Variants in FRMD4B observed in about 807,000 individuals in gnomAD.
FRMD4B encodes FERM domain containing 4B.
Under a neutral mutation model 141.5 loss-of-function variants are expected in FRMD4B, and 74 were observed. That is an observed-to-expected ratio of 0.52 (90% confidence interval 0.43 to 0.63). The LOEUF is 0.63. Ranked by LOEUF, FRMD4B falls within the 30% of genes least tolerant of loss-of-function variation. FRMD4B has a pLI of 0.00. For missense variants in FRMD4B, 1,366 were observed against 1,253.4 expected (o/e 1.09, Z -1.36); for synonymous variants, 506 against 467.9 (o/e 1.08, Z -1.05).
chr3:69,316,078 A>C (rs1366413854), intron 1 of FRMD4B, among the ~76,000 whole-genome samples: 1 of 152,214 alleles, frequency 6.6e-6, no homozygotes, highest in African/African-American at 2.4e-5. Flanking sequence ...CAATGTGAAA[A>C]ATACTAATTA....
Position 69,540,656 on chromosome 3 carries a change from T to TACAC in FRMD4B, c.-129+1549_-129+1550insGTGT, listed in dbSNP as rs1157143009. Reference sequence around the variant, plus strand: ...AAAAAAATATATATATATATATATATATATACACACACACACACACACACA... The same window carrying TACAC: ...AAAAAAATATATATATATATATATATACACATATACACACACACACACACACACA... On this transcript the variant is annotated intron_variant, in intron 1 of 5. Transcript: ENST00000459638. Among the ~76,000 whole-genome samples, 210 of 75,440 alleles carry TACAC rather than the reference T, an allele frequency of 2.8e-3. 1 individual carries two copies. Among genetic ancestry groups the TACAC allele is most frequent in the African/African-American group, 4.2e-3 (58 of 13,836 alleles). The allele number at this position is 75,440 out of a possible 152,430, so 49.5% of individuals were successfully genotyped here. A position where few individuals can be genotyped will look rare whatever the true frequency, so the allele number is the denominator to read the frequency against.
intron 5 of FRMD4B, 133 bp from the exon 6 acceptor site, chr3:69,250,232 G>A: frequency 1.4e-6 from 1 of 738,448 alleles, no homozygotes. Flanking sequence ...ACCATTGCAG[G>A]GGAAAGTGGG....
chr3:69,174,539 C>T (rs2092622800), intron 22 of FRMD4B, among the ~76,000 whole-genome samples: 1 of 152,070 alleles, frequency 6.6e-6, no homozygotes, highest in Non-Finnish European at 1.5e-5. Flanking sequence ...AAATTTTCTA[C>T]CATGAGCTCA....
At chr3:69,518,410 C>T (rs1700799180) in intron 1 of FRMD4B, among the ~76,000 whole-genome samples, 1 of 152,090 alleles carries the variant, frequency 6.6e-6, no homozygotes, top group Admixed American at 6.5e-5. Context: ...AGATGCTAAG[C>T]TTGTCTGGAA....
At chr3:69,215,284 C>CTTTATTTTTTTTTTTTTTTTTT (rs2093128928) in intron 11 of FRMD4B, among the ~76,000 whole-genome samples, 1 of 45,208 alleles carries the variant, frequency 2.2e-5, no homozygotes, top group African/African-American at 7.2e-5. Flanking sequence ...TTGTGACCCT[C>CTTTATTTTTTTTTTTTTTTTTT]TTTTTTTTTT....
In FRMD4B at chr3:69,279,781, TCTCCTC is replaced by T. The variant is rs144074081; in HGVS notation, c.501+7965_501+7970del. ...CCTCCTTCTCCTCCTCCCCTCCTCC[TCTCCTC>T]CTCCTCCTCCTCCTCCTCCTCTTCC... On this transcript the variant is annotated intron_variant, in intron 5 of 22. Transcript: ENST00000398540. Among the ~76,000 whole-genome samples the T allele has an allele frequency of 3.3e-3, 237 of 72,346 alleles. 7 individuals are homozygous for T. The highest frequency in any genetic ancestry group is 0.011 in the African/African-American group (209 of 18,362). The allele number at this position is 72,346 out of a possible 152,430, so 47.5% of individuals were successfully genotyped here.
At chr3:69,220,681 G>C (rs2093185296) in intron 9 of FRMD4B, among the ~76,000 whole-genome samples, 2 of 152,148 alleles carry the variant, frequency 1.3e-5, no homozygotes, top group Non-Finnish European at 2.9e-5. Flanking sequence ...GGGAAACCCT[G>C]TCTCTACTAA....
upstream of FRMD4B, among the ~76,000 whole-genome samples, chr3:69,388,995 C>A (rs993548254): frequency 4.6e-5 from 7 of 151,710 alleles, no homozygotes; most frequent in African/African-American, 1.7e-4. Flanking sequence ...CCCTCCCACC[C>A]TCTGACCCTC....
At chr3:69,467,698 A>G (rs9879656) in intron 1 of FRMD4B, among the ~76,000 whole-genome samples, 3,848 of 152,258 alleles carry the variant, frequency 0.025, 173 homozygotes, top group African/African-American at 0.088. Flanking sequence ...GCTCTTCTCA[A>G]TCCTAGTATA....
At chr3:69,484,207 G>A (rs919867722) in intron 1 of FRMD4B, among the ~76,000 whole-genome samples, 2 of 152,196 alleles carry the variant, frequency 1.3e-5, no homozygotes, top group South Asian at 2.1e-4. Context: ...AAGAGCAACA[G>A]AAGAATGATT....
intron 22 of FRMD4B, among the ~76,000 whole-genome samples, chr3:69,175,820 G>A (rs1174961356): frequency 1.6e-5 from 2 of 123,168 alleles, no homozygotes; most frequent in Non-Finnish European, 3.2e-5. Flanking sequence ...TCGCTCTGTC[G>A]CCCAGGCTGG....
chr3:69,187,908 G>A lies in FRMD4B; in HGVS notation c.1781C>T (p.Ala594Val), dbSNP rs755127971. Residue 594 changes from alanine to valine, a missense_variant, in exon 19 of 23, where the codon GCC (alanine) becomes GTC (valine). Physicochemically the swap from Ala to Val is moderately conservative, Grantham distance 64. Coordinates refer to ENST00000398540, the MANE Select transcript of FRMD4B (RefSeq NM_015123.3). ...TGATCGCTGCCCAGGAAAAGTGAAG[G>A]CATCACTGGCTATAATAAGTAAATG... ...DTTTYDDPSD[A>V]FTFPGQRSSS... 1.9e-6 allele frequency: 3 copies of A among 1,569,498 alleles called. No homozygotes were observed. The highest frequency in any genetic ancestry group is 1.9e-5 in the Admixed American group (1 of 53,830).
intron 1 of FRMD4B, among the ~76,000 whole-genome samples, chr3:69,338,404 T>C (rs1702626648): frequency 6.6e-6 from 1 of 151,998 alleles, no homozygotes. Context: ...CATGTATATA[T>C]ATGTAACAAA....
chr3:69,359,399 G>A (rs1703411604), intron 1 of FRMD4B, among the ~76,000 whole-genome samples: 3 of 152,160 alleles, frequency 2.0e-5, no homozygotes, highest in African/African-American at 7.2e-5. Flanking sequence ...TGAATGAATA[G>A]AACTTCTGTT....
Position 69,375,264 on chromosome 3 carries a change from C to CCCATCCATCCAT in FRMD4B, c.162+10552_162+10563dup, listed in dbSNP as rs1217452208. ...CATCCCATCCATCCATCCACCCCAT[C>CCCATCCATCCAT]CCATCCATCCATCCATCCATCCATC... On this transcript the variant is annotated intron_variant, in intron 1 of 22. Transcript: ENST00000398540. Among the ~76,000 whole-genome samples, 87 of 10,376 alleles carry CCCATCCATCCAT rather than the reference C, an allele frequency of 8.4e-3. 1 individual carries two copies. The highest frequency in any genetic ancestry group is 0.021 in the South Asian group (4 of 190). 6.8% of individuals were successfully genotyped at this position (10,376 alleles called of 152,430 possible). A position where few individuals can be genotyped will look rare whatever the true frequency, so the allele number is the denominator to read the frequency against.
At chr3:69,458,227 A>G (rs1705649320) in intron 1 of FRMD4B, among the ~76,000 whole-genome samples, 1 of 152,216 alleles carries the variant, frequency 6.6e-6, no homozygotes. Flanking sequence ...ATTAGCTTCT[A>G]GGATACATGT....
At chr3:69,459,456 T>A (rs11926614) in intron 1 of FRMD4B, among the ~76,000 whole-genome samples, 106,989 of 152,132 alleles carry the variant, frequency 0.7, 38,853 homozygotes, top group East Asian at 0.92. Context: ...ACCTTAATCC[T>A]CTCATACATT....
At chr3:69,379,745 G>C (rs904651603) in intron 1 of FRMD4B, among the ~76,000 whole-genome samples, 2 of 151,878 alleles carry the variant, frequency 1.3e-5, no homozygotes, top group Admixed American at 1.3e-4. Context: ...TTTCAGCTTT[G>C]TGGGCAATAG....
chr3:69,488,117 A>G (rs1559543035), intron 1 of FRMD4B, among the ~76,000 whole-genome samples: 2 of 152,156 alleles, frequency 1.3e-5, no homozygotes, highest in Non-Finnish European at 2.9e-5. Flanking sequence ...AAAAAAGAGA[A>G]AGAGAAAAAG....
Sources: gnomAD v4.1 joint callset for allele counts (sites outside exome capture counted in the v4.1 genomes callset) on GRCh38, gnomAD v4.1.1 for gene constraint, MANE v1.5 for transcripts, NCBI Gene and HGNC (gene_info 2026-07-23, HGNC 2026-07-21) for gene names.